The following RBM6 variants were observed in gnomAD, a reference collection of about 807,000 sequenced individuals.
RBM6 encodes the protein RNA-binding protein 6.
In RBM6, 23 loss-of-function variants were observed where a neutral mutation model predicts 140.4. The ratio of observed to expected loss-of-function variants is 0.16; its 90% CI spans 0.12 to 0.23. The LOEUF is 0.23. Ranked by LOEUF, RBM6 falls within the 10% of genes least tolerant of loss-of-function variation. The probability of loss-of-function intolerance (pLI) is 1.00; values close to 1 mark genes in which losing one functional copy is unlikely to be tolerated. For synonymous variants in RBM6, 439 were observed against 475.6 expected, an observed-to-expected ratio of 0.92 and a Z score of 1.00; for missense variants, 1,139 against 1,386.7, an observed-to-expected ratio of 0.82 and a Z score of 2.84.
chr3:50,067,765 C>T (rs776466415), intron 17 of RBM6, among the ~76,000 whole-genome samples: 1 of 152,226 alleles, frequency 6.6e-6, no homozygotes, highest in Non-Finnish European at 1.5e-5. Flanking sequence ...CACACCCCTT[C>T]TCTAGTAGAT....
intron 6 of RBM6, among the ~76,000 whole-genome samples, chr3:50,040,487 T>TACACACAC (rs1277704824): frequency 1.9e-5 from 2 of 102,564 alleles, no homozygotes; most frequent in South Asian, 3.2e-4. Flanking sequence ...TATATATATA[T>TACACACAC]ATATATACAC....
chr3:50,021,516 T>C (rs895596525), intron 6 of RBM6, among the ~76,000 whole-genome samples: 2 of 152,078 alleles, frequency 1.3e-5, no homozygotes, highest in East Asian at 3.9e-4. Flanking sequence ...GGCACACGCC[T>C]GTAATCCCAG....
intron 1 of RBM6, among the ~76,000 whole-genome samples, chr3:49,959,401 G>T (rs2084175531): frequency 7.4e-6 from 1 of 135,064 alleles, no homozygotes; most frequent in South Asian, 2.4e-4. Context: ...GGGTTTCACT[G>T]TGTTAGCCAG....
At chr3:49,987,740 A>G (rs2085630044) in intron 5 of RBM6, among the ~76,000 whole-genome samples, 1 of 150,240 alleles carries the variant, frequency 6.7e-6, no homozygotes, top group South Asian at 2.1e-4. Flanking sequence ...CTGGGTTCAA[A>G]CAATTCCCCT....
intron 5 of RBM6, among the ~76,000 whole-genome samples, chr3:49,985,857 C>T (rs566438602): frequency 7.9e-5 from 12 of 152,236 alleles, no homozygotes; most frequent in Middle Eastern, 3.4e-3. Context: ...CCGCCCACCT[C>T]GGCCTCCCAA....
intron 6 of RBM6, among the ~76,000 whole-genome samples, chr3:50,040,846 C>T (rs2088877249): frequency 1.3e-5 from 2 of 151,818 alleles, no homozygotes; most frequent in East Asian, 3.9e-4. Context: ...GGTTTTATCA[C>T]ATTGCCCAGG....
At chr3:50,027,861 A>G (rs1324333100) in intron 6 of RBM6, among the ~76,000 whole-genome samples, 1 of 152,212 alleles carries the variant, frequency 6.6e-6, no homozygotes, top group East Asian at 1.9e-4. Flanking sequence ...AAAGAGCCAC[A>G]ATGCTAAAAC....
At chr3:50,017,481 C>T (rs1402437730) in intron 6 of RBM6, among the ~76,000 whole-genome samples, 1 of 151,518 alleles carries the variant, frequency 6.6e-6, no homozygotes, top group East Asian at 1.9e-4. Context: ...TGGCGTGAAC[C>T]CAGGAGGTGG....
At chr3:49,966,089 G>A (rs1037525229) in intron 2 of RBM6, among the ~76,000 whole-genome samples, 1 of 152,158 alleles carries the variant, frequency 6.6e-6, no homozygotes, top group Non-Finnish European at 1.5e-5. Flanking sequence ...TCATGCCATT[G>A]CACTCCAGCC....
At position 50,066,311 on chromosome 3, in the gene RBM6, G is replaced by A; in HGVS notation, c.2752G>A (p.Glu918Lys). The A allele has an allele frequency of 1.2e-6, 2 of 1,614,178 alleles. No homozygotes were observed. Among genetic ancestry groups the A allele is most frequent in the Non-Finnish European group, 1.7e-6 (2 of 1,180,032 alleles). The part of the protein sequence containing the change: ...YGGDSDYEEE[E>K]EEEQTPPPQP... ...AGGAGACAGTGACTATGAGGAGGAA[G>A]AAGAGGAGGAACAGACCCCTCCCCC... The change falls in exon 17 of 21, where the codon GAA (glutamate) becomes AAA (lysine). Residue 918 changes from glutamate (E) to lysine (K), a missense_variant. This residue lies in a region of RBM6 where 8 missense variants were observed against 30.6 expected (regional missense o/e 0.26). Coordinates refer to ENST00000266022, the MANE Select transcript of RBM6 (RefSeq NM_005777.3).
chr3:50,009,999 C>T (rs925283118), intron 6 of RBM6, among the ~76,000 whole-genome samples: 16 of 152,104 alleles, frequency 1.1e-4, no homozygotes, highest in African/African-American at 3.4e-4. Context: ...AGTGATTCTC[C>T]TGCCTCAGCC....
At chr3:49,973,065 A>G (rs981824228) in intron 4 of RBM6, among the ~76,000 whole-genome samples, 3 of 152,168 alleles carry the variant, frequency 2.0e-5, no homozygotes, top group Admixed American at 1.3e-4. Flanking sequence ...TCCTGACCTC[A>G]GGTTATCTCC....
chr3:49,977,192 C>G (rs932593362), intron 5 of RBM6, among the ~76,000 whole-genome samples: 3 of 152,168 alleles, frequency 2.0e-5, no homozygotes, highest in Non-Finnish European at 4.4e-5. Flanking sequence ...CAGTACTGCC[C>G]TCCACCTACC....
At position 49,962,601 on chromosome 3, in the gene RBM6, G is replaced by GA; in HGVS notation, c.-36dup. The GA allele has an allele frequency of 6.4e-7, 1 of 1,569,582 alleles. No individual in the cohort carries two copies. Among genetic ancestry groups the GA allele is most frequent in the East Asian group, 2.3e-5 (1 of 43,280 alleles). On this transcript the variant is annotated 5_prime_UTR_variant, in exon 2 of 21. Transcript: ENST00000266022. ...GTACTGCTATAACCAGAATTTGGTAGAAAAAGGATTTACTTGTTGGGGCCC... is the reference window on the plus strand; with the variant it reads ...GTACTGCTATAACCAGAATTTGGTAGAAAAAAGGATTTACTTGTTGGGGCCC...
chr3:50,041,267 C>T (rs1005316512), intron 6 of RBM6, among the ~76,000 whole-genome samples: 1 of 152,128 alleles, frequency 6.6e-6, no homozygotes, highest in African/African-American at 2.4e-5. Context: ...GCCTTATCTC[C>T]TGGATGCTCA....
chr3:50,043,134 C>A (rs1430823103), intron 6 of RBM6, among the ~76,000 whole-genome samples: 3 of 152,148 alleles, frequency 2.0e-5, no homozygotes, highest in African/African-American at 7.2e-5. Flanking sequence ...CTAATTTAAG[C>A]CTAATCTAAC....
intron 5 of RBM6, among the ~76,000 whole-genome samples, chr3:49,990,735 A>G (rs1291509386): frequency 1.3e-5 from 2 of 152,156 alleles, no homozygotes; most frequent in Non-Finnish European, 2.9e-5. Context: ...AAGTGCTATA[A>G]GGAAATTTCA....
intron 1 of RBM6, among the ~76,000 whole-genome samples, chr3:49,952,569 G>A (rs2083786328): frequency 6.7e-6 from 1 of 148,370 alleles, no homozygotes; most frequent in Non-Finnish European, 1.5e-5. Context: ...GGTGCATCTC[G>A]ACTCAACGCA....
chr3:50,016,819 C>G (rs999841931), intron 6 of RBM6, among the ~76,000 whole-genome samples: 1 of 122,172 alleles, frequency 8.2e-6, no homozygotes, highest in Non-Finnish European at 1.6e-5. Context: ...GTCACCATGC[C>G]TAGCGTTTTT....
Sources: allele counts gnomAD v4.1 joint callset (sites outside exome capture counted in the v4.1 genomes callset), GRCh38; gene constraint gnomAD v4.1.1; regional missense constraint gnomAD v4.1.1; transcripts MANE v1.5; gene names NCBI Gene and HGNC (gene_info 2026-07-23, HGNC 2026-07-21).